MICU1: variants seen among roughly 807,000 people sequenced by gnomAD.
The protein encoded by MICU1 is mitochondrial calcium uptake 1, also known as calcium uptake protein 1, mitochondrial.
A neutral mutation model predicts 56.8 loss-of-function variants in MICU1; 45 were observed. The observed-to-expected ratio is 0.79, with a 90% CI of 0.62 to 1.02. The LOEUF is 1.02. Ranked by LOEUF, MICU1 falls within the 50% of genes least tolerant of loss-of-function variation. The pLI, the probability that MICU1 is intolerant of heterozygous loss-of-function variation, is 0.00. For synonymous variants in MICU1, 186 were observed against 195.1 expected, an observed-to-expected ratio of 0.95 and a Z score of 0.39; for missense variants, 504 against 587.1, an observed-to-expected ratio of 0.86 and a Z score of 1.46.
chr10:72,491,358 G>A (rs1460083859), intron 6 of MICU1, among the ~76,000 whole-genome samples: 2 of 152,162 alleles, frequency 1.3e-5, no homozygotes, highest in African/African-American at 2.4e-5. Flanking sequence ...GACTCCATCT[G>A]TGGAAAAATA....
At chr10:72,593,420 C>T (rs1476516790) in intron 1 of MICU1, among the ~76,000 whole-genome samples, 5 of 151,470 alleles carry the variant, frequency 3.3e-5, no homozygotes, top group South Asian at 2.1e-4. Flanking sequence ...GCCAACATGG[C>T]GAAACCCTGG....
rs367667357 is a variant in MICU1 at position 72,391,209 on chromosome 10, A to C, written c.1181-15337T>G. On this transcript the variant is annotated intron_variant, in intron 10 of 11. Coordinates refer to ENST00000361114, the MANE Select transcript of MICU1 (RefSeq NM_001195518.2). ...AACACTGGGAGGCCAAGGCGGGTGG[A>C]TCACCTGAGGTCAGGAGTTCAAGAC... is the stretch of plus-strand genomic sequence containing the variant. Among the ~76,000 whole-genome samples, 12 of 152,364 alleles carry C rather than the reference A, an allele frequency of 7.9e-5. No homozygotes were observed. In the East Asian group the frequency reaches 1.9e-3, roughly 24 times the overall value.
At position 72,508,204 on chromosome 10, in the gene MICU1, A is replaced by G. The variant is rs1867322251; in HGVS notation, c.603T>C (p.Cys201=). Residue 201 remains cysteine, a synonymous_variant, in exon 6 of 12, where the codon TGT becomes TGC. Coordinates refer to ENST00000361114, the MANE Select transcript of MICU1 (RefSeq NM_001195518.2). ...TGTAGTCTGAAAAGGATATGAGCCC[A>G]CATTCTCCAAGGGTGTAAAATATAC... ...EGSIFYTLGE[C]GLISFSDYIF... The G allele has an allele frequency of 6.4e-7, 1 of 1,552,986 alleles. No individual in the cohort carries two copies.
At chr10:72,435,883 C>A (rs955554964) in intron 8 of MICU1, among the ~76,000 whole-genome samples, 4 of 151,978 alleles carry the variant, frequency 2.6e-5, no homozygotes, top group Non-Finnish European at 4.4e-5. Context: ...ACAAAGCGGT[C>A]GGGAAGCTTG....
At chr10:72,427,736 ATATATAT>A (rs1864393472) in intron 8 of MICU1, among the ~76,000 whole-genome samples, 1 of 6,742 alleles carries the variant, frequency 1.5e-4, no homozygotes, top group African/African-American at 4.0e-4. Flanking sequence ...TCTCTAAAAT[ATATATAT>A]ATATATATAT....
chr10:72,604,539 T>C (rs1183259692), intron 1 of MICU1, among the ~76,000 whole-genome samples: 2 of 151,876 alleles, frequency 1.3e-5, no homozygotes, highest in Non-Finnish European at 2.9e-5. Flanking sequence ...TCCCAAAGTG[T>C]TGGGATTACA....
At chr10:72,589,758 A>G (rs1440597070) in intron 1 of MICU1, among the ~76,000 whole-genome samples, 3 of 152,176 alleles carry the variant, frequency 2.0e-5, no homozygotes, top group South Asian at 4.1e-4. Flanking sequence ...AATTTGATAA[A>G]TGATAAAACC....
chr10:72,402,153 A>G (rs1443957484), intron 10 of MICU1, among the ~76,000 whole-genome samples: 1 of 151,346 alleles, frequency 6.6e-6, no homozygotes, highest in Non-Finnish European at 1.5e-5. Context: ...TTTCTGAGAA[A>G]AAAAAAAAAA....
chr10:72,390,842 G>T (rs1233191967), intron 10 of MICU1, among the ~76,000 whole-genome samples: 1 of 152,244 alleles, frequency 6.6e-6, no homozygotes, highest in Non-Finnish European at 1.5e-5. Context: ...AACTGGAACT[G>T]CTTCTACACT....
At chr10:72,477,867 AT>A (rs892879359) in intron 6 of MICU1, among the ~76,000 whole-genome samples, 118 of 146,214 alleles carry the variant, frequency 8.1e-4, no homozygotes, top group South Asian at 2.2e-3. Flanking sequence ...TCAGCCCCCT[AT>A]TTTTTTTTCT....
intron 11 of MICU1, among the ~76,000 whole-genome samples, chr10:72,372,766 C>T (rs1432544573): frequency 6.6e-6 from 1 of 151,852 alleles, no homozygotes; most frequent in African/African-American, 2.4e-5. Context: ...CACTTGAACC[C>T]AGGAGGCAGA....
intron 1 of MICU1, among the ~76,000 whole-genome samples, chr10:72,598,231 C>A (rs2132541304): frequency 1.3e-5 from 2 of 151,890 alleles, no homozygotes; most frequent in Middle Eastern, 6.8e-3. Context: ...GGTAGAGGAG[C>A]TACTTAAACT....
intron 8 of MICU1, among the ~76,000 whole-genome samples, chr10:72,427,461 A>G (rs1366345684): frequency 6.6e-6 from 1 of 152,172 alleles, no homozygotes; most frequent in Non-Finnish European, 1.5e-5. Context: ...CAGTATCTGC[A>G]AGTGGGTCTT....
intron 5 of MICU1, among the ~76,000 whole-genome samples, chr10:72,511,627 G>A (rs1402596874): frequency 6.6e-6 from 1 of 152,098 alleles, no homozygotes; most frequent in Non-Finnish European, 1.5e-5. Context: ...AAACCACAAT[G>A]GGTCATTATT....
chr10:72,475,254 T>C lies in MICU1; in HGVS notation c.779A>G (p.His260Arg). 6.2e-7 allele frequency: 1 copy of C among 1,609,672 alleles called. No homozygotes were observed. The highest frequency in any genetic ancestry group is 8.5e-7 in the Non-Finnish European group (1 of 1,177,812). ...IRSQTSMGMR[H>R]RDRPTTGNTL... is the part of the protein sequence containing the mutation. Reference sequence around the variant, plus strand: ...GTTGCCAGTAGTTGGACGATCTCTGTGGCGCATACCCATACTGGTTTGGGA... The same window carrying C: ...GTTGCCAGTAGTTGGACGATCTCTGCGGCGCATACCCATACTGGTTTGGGA... The change falls in exon 8 of 12, where the codon CAC (histidine) becomes CGC (arginine). Residue 260 changes from histidine (H) to arginine (R), a missense_variant. His to Arg is a conservative substitution (Grantham distance 29). Transcript: ENST00000361114.
At chr10:72,505,603 C>T (rs765412842) in intron 6 of MICU1, among the ~76,000 whole-genome samples, 3 of 152,170 alleles carry the variant, frequency 2.0e-5, no homozygotes, top group Non-Finnish European at 2.9e-5. Context: ...AAATGTGGTA[C>T]ACAACACTAT....
intron 11 of MICU1, among the ~76,000 whole-genome samples, chr10:72,370,575 CTG>C (rs559398723): frequency 4.0e-4 from 61 of 152,120 alleles, no homozygotes; most frequent in African/African-American, 1.4e-3. Context: ...AAAGGTAAAA[CTG>C]TGTTACTAGA....
intron 1 of MICU1, among the ~76,000 whole-genome samples, chr10:72,614,251 T>C (rs1470250370): frequency 6.7e-6 from 1 of 150,164 alleles, no homozygotes; most frequent in Non-Finnish European, 1.5e-5. Context: ...GTGTAGAAAA[T>C]GAAACCCTTG....
intron 11 of MICU1, among the ~76,000 whole-genome samples, chr10:72,369,098 C>T (rs78766394): frequency 0.023 from 3,523 of 151,874 alleles, 123 homozygotes; most frequent in East Asian, 0.1. Context: ...GACAATATAG[C>T]GAGACCCTGT....
Sources: allele counts gnomAD v4.1 joint callset (sites outside exome capture counted in the v4.1 genomes callset), GRCh38; gene constraint gnomAD v4.1.1; transcripts MANE v1.5; gene names NCBI Gene and HGNC (gene_info 2026-07-23, HGNC 2026-07-21).